The following CFAP97D2 variants were observed in gnomAD, a reference collection of about 807,000 sequenced individuals.
CFAP97D2 encodes the protein CFAP97 domain containing 2, also known as uncharacterized protein CFAP97D2.
intron 2 of CFAP97D2, among the ~76,000 whole-genome samples, chr13:114,198,229 T>C (rs1468179355): frequency 6.6e-6 from 1 of 152,168 alleles, no homozygotes; most frequent in East Asian, 1.9e-4. Context: ...TCGTGAAGTT[T>C]ACCTCATTTG....
intron 3 of CFAP97D2, among the ~76,000 whole-genome samples, chr13:114,201,499 T>C (rs1201310753): frequency 6.6e-6 from 1 of 152,214 alleles, no homozygotes. Flanking sequence ...TGGTCCTGTG[T>C]GCTGGCTTTG....
At chr13:114,191,928 A>T (rs540684777) in intron 1 of CFAP97D2, among the ~76,000 whole-genome samples, 166 of 152,306 alleles carry the variant, frequency 1.1e-3, no homozygotes, top group Middle Eastern at 0.01. Context: ...ATATGAAAAA[A>T]CATGGAAGAA....
intron 1 of CFAP97D2, among the ~76,000 whole-genome samples, chr13:114,194,441 G>A (rs576710724): frequency 6.6e-6 from 1 of 152,298 alleles, no homozygotes; most frequent in African/African-American, 2.4e-5. Flanking sequence ...GAAAAACAGG[G>A]AAATTGTACA....
chr13:114,193,543 G>A (rs968591975), intron 1 of CFAP97D2, among the ~76,000 whole-genome samples: 1 of 152,164 alleles, frequency 6.6e-6, no homozygotes, highest in African/African-American at 2.4e-5. Context: ...TGTAGCAGAA[G>A]AGCATGAGAG....
rs1479484817 is a variant in CFAP97D2, at chr13:114,186,890, T to C, written c.90+7470T>C. 2.6e-5 allele frequency among the ~76,000 whole-genome samples: 4 copies of C among 152,168 alleles called. No individual in the cohort carries two copies. The highest frequency in any genetic ancestry group is 7.2e-5 in the African/African-American group (3 of 41,438). On this transcript the variant is annotated intron_variant, in intron 1 of 4. Transcript: ENST00000646158. This position sits in a 1 kb window ranked among gnomAD's most constrained non-coding sequence, Gnocchi z 4.3. ...TTCAGAGGGATGGGATCCAGGCCAG[T>C]AGCATGAGCTGAGCACAGCCTGCCA... is the stretch of plus-strand genomic sequence containing the variant.
chr13:114,182,059 C>A (rs186990041), intron 1 of CFAP97D2, among the ~76,000 whole-genome samples: 2 of 152,004 alleles, frequency 1.3e-5, no homozygotes, highest in Non-Finnish European at 2.9e-5. Flanking sequence ...GGACCTGCAC[C>A]AGCACCGGTC....
At chr13:114,194,607 A>C (rs1262036735) in intron 1 of CFAP97D2, among the ~76,000 whole-genome samples, 1 of 152,134 alleles carries the variant, frequency 6.6e-6, no homozygotes, top group Non-Finnish European at 1.5e-5. Flanking sequence ...CCCCAAGAGC[A>C]TTCTTTGATG....
chr13:114,213,225 T>A (rs951814685), intron 4 of CFAP97D2, among the ~76,000 whole-genome samples: 1 of 152,166 alleles, frequency 6.6e-6, no homozygotes, highest in Admixed American at 6.5e-5. Flanking sequence ...AGGAAAAATA[T>A]GTAGACACCA....
chr13:114,213,226 G>T (rs1408400758), intron 4 of CFAP97D2, among the ~76,000 whole-genome samples: 1 of 152,116 alleles, frequency 6.6e-6, no homozygotes, highest in African/African-American at 2.4e-5. Flanking sequence ...GGAAAAATAT[G>T]TAGACACCAA....
intron 3 of CFAP97D2, among the ~76,000 whole-genome samples, chr13:114,201,335 T>C (rs993564339): frequency 7.2e-5 from 11 of 152,208 alleles, no homozygotes; most frequent in African/African-American, 1.9e-4. Flanking sequence ...GGCCTGTACC[T>C]ATCCCCAAGA....
chr13:114,195,195 A>G (rs1318485533), intron 1 of CFAP97D2, among the ~76,000 whole-genome samples: 1 of 152,188 alleles, frequency 6.6e-6, no homozygotes, highest in Non-Finnish European at 1.5e-5. Flanking sequence ...GCCTTCCTTC[A>G]GGCTTCTCTT....
intron 1 of CFAP97D2, among the ~76,000 whole-genome samples, chr13:114,192,572 A>G (rs2080873612): frequency 1.3e-5 from 2 of 152,228 alleles, no homozygotes; most frequent in Admixed American, 1.3e-4. Flanking sequence ...AATCCTGCTT[A>G]AATTGTTCCA....
chr13:114,188,813 A>T (rs1358097633), intron 1 of CFAP97D2, among the ~76,000 whole-genome samples: 10 of 150,816 alleles, frequency 6.6e-5, no homozygotes, highest in Non-Finnish European at 1.5e-4. Context: ...AAAGAAAAAC[A>T]AACCCAAAGT....
intron 1 of CFAP97D2, among the ~76,000 whole-genome samples, chr13:114,188,117 A>C (rs1043222625): frequency 1.8e-4 from 25 of 138,672 alleles, no homozygotes; most frequent in South Asian, 8.5e-4. Context: ...CATCTCCACA[A>C]AAAAAAAAAA....
At chr13:114,190,116 T>G (rs2080864041) in intron 1 of CFAP97D2, among the ~76,000 whole-genome samples, 1 of 151,984 alleles carries the variant, frequency 6.6e-6, no homozygotes, top group Non-Finnish European at 1.5e-5. Context: ...CACTCCAACC[T>G]GGAAGACAGA....
Position 114,211,847 on chromosome 13 carries a change from C to T in CFAP97D2, c.291-65C>T, listed in dbSNP as rs1594521489. ...CCTTCCTGCTCTGGAGCCTGTTGGCCCTGTGGAGGGAATGGCAGCCTTAAT... is the reference window on the plus strand; with the variant it reads ...CCTTCCTGCTCTGGAGCCTGTTGGCTCTGTGGAGGGAATGGCAGCCTTAAT... On this transcript the variant is annotated intron_variant, in intron 3 of 4. Transcript: ENST00000646158. This position sits in a 1 kb window ranked among gnomAD's most constrained non-coding sequence, Gnocchi z 4.2. The T allele has an allele frequency of 5.0e-6, 2 of 398,114 alleles. No individual in the cohort carries two copies. The highest frequency in any genetic ancestry group is 3.6e-5 in the East Asian group (1 of 28,090). The allele number at this position is 398,114 out of a possible 1,614,324, so 24.7% of individuals were successfully genotyped here.
intron 3 of CFAP97D2, among the ~76,000 whole-genome samples, chr13:114,209,164 G>A (rs1013956187): frequency 1.3e-5 from 2 of 152,220 alleles, no homozygotes; most frequent in African/African-American, 2.4e-5. Context: ...TTCTGCTGCC[G>A]TGAGGACCAC....
In CFAP97D2 at chr13:114,222,441, T is replaced by C. The variant is rs1020022908; in HGVS notation, c.481-57T>C. 1 of 398,624 alleles carries C rather than the reference T, an allele frequency of 2.5e-6. No individual in the cohort carries two copies. Among genetic ancestry groups the C allele is most frequent in the African/African-American group, 2.1e-5 (1 of 48,770 alleles). The allele number at this position is 398,624 out of a possible 1,614,324, so 24.7% of individuals were successfully genotyped here. A position where few individuals can be genotyped will look rare whatever the true frequency, so the allele number is the denominator to read the frequency against. On this transcript the variant is annotated intron_variant, in intron 4 of 4. Coordinates refer to ENST00000646158, the Ensembl canonical transcript of CFAP97D2. The surrounding 1 kb of genome is among the most constrained non-coding windows in gnomAD (Gnocchi z 4.4). ...ATATTCCATTTCCCAAGTAAGTTGA[T>C]AGTTTCTTGTTCTTGCCTAAGAAAG...
intron 4 of CFAP97D2, among the ~76,000 whole-genome samples, chr13:114,220,263 G>A (rs1375448623): frequency 6.6e-6 from 1 of 151,948 alleles, no homozygotes; most frequent in South Asian, 2.1e-4. Flanking sequence ...TGGGATCTTC[G>A]CTGGCCTCGC....
Sources: gnomAD v4.1 joint callset for allele counts (sites outside exome capture counted in the v4.1 genomes callset) on GRCh38, gnomAD v4.1.1 for gene constraint, Gnocchi (gnomAD v3.1) non-coding constraint, MANE v1.5 for transcripts, NCBI Gene and HGNC (gene_info 2026-07-23, HGNC 2026-07-21) for gene names.